Variants in TMTC1 observed in about 807,000 individuals in gnomAD.
The protein encoded by TMTC1 is transmembrane O-mannosyltransferase targeting cadherins 1, also known as protein O-mannosyl-transferase TMTC1.
Under a neutral mutation model 104.8 loss-of-function variants are expected in TMTC1, and 73 were observed. The observed-to-expected ratio is 0.70, with a 90% CI of 0.58 to 0.85. The LOEUF is 0.85. Ranked by LOEUF, TMTC1 falls within the 40% of genes least tolerant of loss-of-function variation. The pLI is 0.00. For synonymous variants in TMTC1, 434 were observed against 428.7 expected (o/e 1.01, Z -0.15); for missense variants, 1,035 against 1,096.1 (o/e 0.94, Z 0.79).
intron 5 of TMTC1, among the ~76,000 whole-genome samples, chr12:29,664,013 C>T (rs1288362498): frequency 6.6e-6 from 1 of 151,380 alleles, no homozygotes; most frequent in African/African-American, 2.4e-5. Context: ...CGGTGAAACC[C>T]CGTCTCTACT....
Position 29,702,631 on chromosome 12 carries a change from G to A in TMTC1, c.938+49035C>T, listed in dbSNP as rs181845262. Among the ~76,000 whole-genome samples, 1,067 of 152,250 alleles carry A rather than the reference G, an allele frequency of 7.0e-3. 5 individuals carry two copies. Among genetic ancestry groups the A allele is most frequent in the Non-Finnish European group, 0.011 (762 of 68,018 alleles). ...TTTCCACAAAAGTGCATCACTAAGC[G>A]CAGTGCACACTCAATGGGAACAGAC... On this transcript the variant is annotated intron_variant, in intron 5 of 17. Coordinates refer to ENST00000539277, the MANE Select transcript of TMTC1 (RefSeq NM_001193451.2).
intron 5 of TMTC1, among the ~76,000 whole-genome samples, chr12:29,634,365 A>C (rs1938446721): frequency 6.6e-6 from 1 of 152,202 alleles, no homozygotes. Flanking sequence ...GAAGCACAGA[A>C]CTTTAACTTT....
chr12:29,520,832 A>G, intron 11 of TMTC1, 112 bp from the exon 12 acceptor site: 1 of 759,684 alleles, frequency 1.3e-6, no homozygotes, highest in Non-Finnish European at 2.1e-6. Context: ...CTAAGCACCT[A>G]ATATACAACA....
At chr12:29,737,081 C>T (rs1376385182) in intron 5 of TMTC1, among the ~76,000 whole-genome samples, 6 of 152,352 alleles carry the variant, frequency 3.9e-5, no homozygotes, top group South Asian at 2.1e-4. Flanking sequence ...AAATGTGACA[C>T]GTCGCACCCG....
chr12:29,538,152 T>C (rs565353174), intron 10 of TMTC1, among the ~76,000 whole-genome samples: 2 of 152,322 alleles, frequency 1.3e-5, no homozygotes, highest in African/African-American at 4.8e-5. Context: ...TGCATGGTTA[T>C]AATTAATTTG....
intron 5 of TMTC1, among the ~76,000 whole-genome samples, chr12:29,716,479 A>G (rs547187466): frequency 6.6e-6 from 1 of 152,280 alleles, no homozygotes; most frequent in East Asian, 1.9e-4. Context: ...AATAACATTA[A>G]TACTGTTTTA....
At chr12:29,763,773 G>A (rs539423131) in intron 2 of TMTC1, among the ~76,000 whole-genome samples, 3 of 152,334 alleles carry the variant, frequency 2.0e-5, no homozygotes, top group South Asian at 4.1e-4. Context: ...CTCAAGGTGA[G>A]GGAATGCTCA....
At chr12:29,654,151 A>G (rs1028537994) in intron 5 of TMTC1, among the ~76,000 whole-genome samples, 4 of 152,200 alleles carry the variant, frequency 2.6e-5, no homozygotes, top group African/African-American at 9.6e-5. Flanking sequence ...AAGTGAAATG[A>G]CAATATACAG....
At chr12:29,589,757 T>C (rs1369930223) in intron 7 of TMTC1, among the ~76,000 whole-genome samples, 1 of 152,244 alleles carries the variant, frequency 6.6e-6, no homozygotes, top group East Asian at 1.9e-4. Context: ...TAGTGAGCAC[T>C]TCCTGTGCGG....
rs1233373214 is a variant in TMTC1 at position 29,503,097 on chromosome 12, G to A, written c.*3749C>T. Reference sequence around the variant, plus strand: ...TCTGACTGAAAGGCCGTTGCGCAGAGGCATTCGCACAACTGCTGCAAAACC... The same window carrying A: ...TCTGACTGAAAGGCCGTTGCGCAGAAGCATTCGCACAACTGCTGCAAAACC... On this transcript the variant is annotated 3_prime_UTR_variant, in exon 18 of 18. Coordinates refer to ENST00000539277, the MANE Select transcript of TMTC1 (RefSeq NM_001193451.2). The A allele has an allele frequency of 2.0e-5, 3 of 152,158 alleles. No individual in the cohort carries two copies. Among genetic ancestry groups the A allele is most frequent in the Admixed American group, 1.3e-4 (2 of 15,280 alleles). 9.4% of individuals were successfully genotyped at this position (152,158 alleles called of 1,614,324 possible).
intron 5 of TMTC1, among the ~76,000 whole-genome samples, chr12:29,687,564 T>TA (rs35386786): frequency 0.15 from 22,742 of 152,156 alleles, 1,911 homozygotes; most frequent in East Asian, 0.34. Context: ...CAGTCTGAAT[T>TA]GATCTGTAGT....
intron 5 of TMTC1, among the ~76,000 whole-genome samples, chr12:29,690,243 C>T (rs779751684): frequency 9.9e-5 from 15 of 152,140 alleles, no homozygotes; most frequent in Non-Finnish European, 2.1e-4. Flanking sequence ...GAAGAAACTG[C>T]GGCAATCAGT....
intron 5 of TMTC1, among the ~76,000 whole-genome samples, chr12:29,684,196 G>GA (rs1158977497): frequency 6.6e-6 from 1 of 152,038 alleles, no homozygotes; most frequent in Non-Finnish European, 1.5e-5. Flanking sequence ...GGAACAGGAG[G>GA]TTAAAAAAAA....
At chr12:29,725,011 G>GTTT (rs879602127) in intron 5 of TMTC1, among the ~76,000 whole-genome samples, 1,801 of 114,844 alleles carry the variant, frequency 0.016, 210 homozygotes, top group Non-Finnish European at 0.021. Context: ...TATCTGCCAA[G>GTTT]TTCTTTTTTT....
At position 29,594,533 on chromosome 12, in the gene TMTC1, A is replaced by C. The variant is rs371063354; in HGVS notation, c.1250+9645T>G. 6.3e-4 allele frequency among the ~76,000 whole-genome samples: 96 copies of C among 152,370 alleles called. 3 individuals carry two copies. The highest frequency in any genetic ancestry group is 1.8e-3 in the African/African-American group (73 of 41,586). ...AATCCTAATGAAAACAAGACAAAGA[A>C]GGCTGCTAAAAGAGTAAGGAGGATT... is the stretch of plus-strand genomic sequence containing the variant. On this transcript the variant is annotated intron_variant, in intron 7 of 17. Transcript: ENST00000539277.
intron 17 of TMTC1, among the ~76,000 whole-genome samples, chr12:29,510,983 C>T (rs544092144): frequency 5.0e-4 from 76 of 152,220 alleles, no homozygotes; most frequent in Middle Eastern, 3.4e-3. Context: ...AACAGGCGTG[C>T]TCAAACCTTA....
At position 29,755,618 on chromosome 12, in the gene TMTC1, T is replaced by C. The variant is rs1159660265; in HGVS notation, c.731+91A>G. 4.5e-6 allele frequency: 5 copies of C among 1,120,130 alleles called. No individual in the cohort carries two copies. In the Admixed American group the frequency reaches 7.2e-5, roughly 16 times the overall value. The allele number at this position is 1,120,130 out of a possible 1,614,324, so 69.4% of individuals were successfully genotyped here. A position where few individuals can be genotyped will look rare whatever the true frequency, so the allele number is the denominator to read the frequency against. ...GGTGAGATGACATTTAATAAAGTGT[T>C]ATATTTTTTAAATGGAAGTTTGGAA... On this transcript the variant is annotated intron_variant, in intron 4 of 17. Coordinates refer to ENST00000539277, the MANE Select transcript of TMTC1 (RefSeq NM_001193451.2).
chr12:29,720,488 AAG>A (rs1158178297), intron 5 of TMTC1, among the ~76,000 whole-genome samples: 7 of 152,222 alleles, frequency 4.6e-5, no homozygotes, highest in Non-Finnish European at 1.0e-4. Flanking sequence ...TATAAACAAA[AAG>A]TACCTCTAGA....
At chr12:29,724,668 T>C (rs1035154667) in intron 5 of TMTC1, among the ~76,000 whole-genome samples, 2 of 152,170 alleles carry the variant, frequency 1.3e-5, no homozygotes, top group Admixed American at 6.5e-5. Context: ...CCAAATTACA[T>C]ATATTTTATG....
Sources: gnomAD v4.1 joint callset for allele counts (sites outside exome capture counted in the v4.1 genomes callset) on GRCh38, gnomAD v4.1.1 for gene constraint, MANE v1.5 for transcripts, NCBI Gene and HGNC (gene_info 2026-07-23, HGNC 2026-07-21) for gene names.